SMIM35: variants seen among roughly 807,000 people sequenced by gnomAD.
SMIM35 encodes the protein small integral membrane protein 35.
chr11:118,058,348 A>G (rs749215006), intron 1 of SMIM35, among the ~76,000 whole-genome samples: 5 of 152,046 alleles, frequency 3.3e-5, no homozygotes, highest in Non-Finnish European at 5.9e-5. Flanking sequence ...TCCCAGTCTC[A>G]GGTTCAGTAT....
At chr11:118,019,428 G>GT (rs1374280894) in intron 1 of SMIM35, among the ~76,000 whole-genome samples, 46 of 152,278 alleles carry the variant, frequency 3.0e-4, no homozygotes, top group Non-Finnish European at 5.3e-4. Context: ...AAATTGAGGA[G>GT]TCAGAATTTA....
intron 1 of SMIM35, among the ~76,000 whole-genome samples, chr11:118,062,316 C>T (rs1460760230): frequency 5.9e-5 from 9 of 152,148 alleles, no homozygotes; most frequent in Non-Finnish European, 8.8e-5. Context: ...GGCAACAGAG[C>T]GAGACTCCAT....
intron 1 of SMIM35, among the ~76,000 whole-genome samples, chr11:118,032,585 T>C (rs529808275): frequency 3.6e-4 from 55 of 152,262 alleles, no homozygotes; most frequent in African/African-American, 1.3e-3. Context: ...TATTTTTTTT[T>C]GCCAGGTACA....
intron 1 of SMIM35, among the ~76,000 whole-genome samples, chr11:118,085,382 C>G (rs2135261209): frequency 6.6e-6 from 1 of 152,126 alleles, no homozygotes; most frequent in East Asian, 1.9e-4. Context: ...TGCCACCACG[C>G]CCAGCTAATT....
intron 1 of SMIM35, among the ~76,000 whole-genome samples, chr11:118,035,590 G>A (rs1263506837): frequency 2.0e-5 from 3 of 152,198 alleles, no homozygotes; most frequent in African/African-American, 7.2e-5. Context: ...GCCTGCCCCT[G>A]CCAGTCTCTA....
intron 1 of SMIM35, among the ~76,000 whole-genome samples, chr11:118,071,932 T>C (rs1252327555): frequency 1.3e-5 from 2 of 152,184 alleles, no homozygotes; most frequent in Admixed American, 1.3e-4. Flanking sequence ...GCTGGGTCCA[T>C]GGGCACACAT....
At chr11:118,038,276 C>T (rs1220271696) in intron 1 of SMIM35, among the ~76,000 whole-genome samples, 1 of 152,194 alleles carries the variant, frequency 6.6e-6, no homozygotes, top group Non-Finnish European at 1.5e-5. Context: ...CTATAAGACA[C>T]ATTTTCTTTT....
chr11:118,060,006 T>C (rs1944371965), intron 1 of SMIM35, among the ~76,000 whole-genome samples: 1 of 152,232 alleles, frequency 6.6e-6, no homozygotes, highest in East Asian at 1.9e-4. Context: ...GTGGAGGCTG[T>C]ACTGCCCTGG....
intron 1 of SMIM35, among the ~76,000 whole-genome samples, chr11:118,062,496 G>A (rs973050949): frequency 3.3e-5 from 5 of 152,212 alleles, no homozygotes; most frequent in African/African-American, 1.2e-4. Context: ...AACTGCCTCT[G>A]ATGCTTCTCA....
chr11:118,028,189 G>A (rs933736353), intron 1 of SMIM35, among the ~76,000 whole-genome samples: 1 of 152,174 alleles, frequency 6.6e-6, no homozygotes, highest in African/African-American at 2.4e-5. Context: ...GGAGCAGTAG[G>A]GAGTCAGTGT....
In SMIM35 at chr11:118,050,853, C is replaced by T. The variant is rs187795006; in HGVS notation, c.8-35044G>A. On this transcript the variant is annotated intron_variant, in intron 1 of 4. Transcript: ENST00000689828. ...ACAGGGATGCATCTTGAATCCCAGA[C>T]CCAGGACTTCCAAACCTTTGAGCAT... is the stretch of plus-strand genomic sequence containing the variant. Among the ~76,000 whole-genome samples, 87 of 152,320 alleles carry T rather than the reference C, an allele frequency of 5.7e-4. 1 individual carries two copies. The East Asian group carries it at 0.014, about 24-fold the overall frequency.
At chr11:118,040,152 G>T (rs1447753131) in intron 1 of SMIM35, among the ~76,000 whole-genome samples, 2 of 151,944 alleles carry the variant, frequency 1.3e-5, no homozygotes, top group Non-Finnish European at 2.9e-5. Context: ...GGAGGCAGAG[G>T]TTGCAGTGAG....
chr11:118,009,589 T>A (rs771937332), intron 4 of SMIM35, among the ~76,000 whole-genome samples: 3 of 152,170 alleles, frequency 2.0e-5, no homozygotes, highest in Non-Finnish European at 4.4e-5. Context: ...ACTAGGGAAC[T>A]GCAGCCATCA....
intron 1 of SMIM35, among the ~76,000 whole-genome samples, chr11:118,031,342 A>G (rs1297089596): frequency 6.6e-6 from 1 of 152,214 alleles, no homozygotes; most frequent in East Asian, 1.9e-4. Flanking sequence ...TTTCCACTCA[A>G]AGGAACCAGG....
At chr11:118,074,996 A>G (rs1944633702) in intron 1 of SMIM35, among the ~76,000 whole-genome samples, 3 of 152,210 alleles carry the variant, frequency 2.0e-5, no homozygotes, top group African/African-American at 7.2e-5. Context: ...CCAACCAGCC[A>G]TGCCCAGCAG....
intron 1 of SMIM35, among the ~76,000 whole-genome samples, chr11:118,045,848 G>T (rs1944090398): frequency 6.6e-6 from 1 of 152,226 alleles, no homozygotes; most frequent in Non-Finnish European, 1.5e-5. Context: ...CTTTAGCAGT[G>T]TGTGATGACG....
intron 1 of SMIM35, among the ~76,000 whole-genome samples, chr11:118,073,999 A>G (rs536311484): frequency 1.1e-4 from 16 of 152,326 alleles, no homozygotes; most frequent in African/African-American, 3.8e-4. Flanking sequence ...GTTGGTCCTT[A>G]AACTGAGGTC....
In SMIM35 at chr11:118,086,822, CA is replaced by C. The variant is rs1945590569; in HGVS notation, c.-66del. On this transcript the variant is annotated 5_prime_UTR_variant, in exon 1 of 5. Coordinates refer to ENST00000689828, the MANE Select transcript of SMIM35 (RefSeq NM_001394165.1). The stretch of plus-strand genomic sequence containing the variant: ...AGCAAAGGCATCAAACTGCCTATTC[CA>C]GCTGCAAGTGGAGAGGACACAGCTG... The C allele has an allele frequency of 6.5e-6, 1 of 152,844 alleles. No individual in the cohort carries two copies. Among genetic ancestry groups the C allele is most frequent in the African/African-American group, 2.4e-5 (1 of 41,466 alleles). 9.5% of individuals were successfully genotyped at this position (152,844 alleles called of 1,614,324 possible). A position where few individuals can be genotyped will look rare whatever the true frequency, so the allele number is the denominator to read the frequency against.
At chr11:118,073,891 C>A (rs1591312894) in intron 1 of SMIM35, among the ~76,000 whole-genome samples, 1 of 152,228 alleles carries the variant, frequency 6.6e-6, no homozygotes, top group South Asian at 2.1e-4. Flanking sequence ...AGACCATTGT[C>A]CAGAAACCTC....
Sources: allele counts gnomAD v4.1 joint callset (sites outside exome capture counted in the v4.1 genomes callset), GRCh38; gene constraint gnomAD v4.1.1; transcripts MANE v1.5; gene names NCBI Gene and HGNC (gene_info 2026-07-23, HGNC 2026-07-21).